The following AKAP11 variants were observed in gnomAD, a reference collection of about 807,000 sequenced individuals.
The protein encoded by AKAP11 is A-kinase anchor protein 11.
A neutral mutation model predicts 146.1 loss-of-function variants in AKAP11; 36 were observed. That is an observed-to-expected ratio of 0.25 (90% CI 0.19 to 0.33). The LOEUF is 0.33. AKAP11 is among the 10% of genes least tolerant of loss of function. The pLI, the probability that AKAP11 is intolerant of heterozygous loss-of-function variation, is 1.00. For synonymous variants in AKAP11, 780 were observed against 786.5 expected (o/e 0.99, Z 0.14); for missense variants, 2,201 against 2,197.0 (o/e 1.00, Z -0.04).
chr13:42,275,869 C>T (rs1252909116), intron 1 of AKAP11, among the ~76,000 whole-genome samples: 3 of 152,088 alleles, frequency 2.0e-5, no homozygotes, highest in East Asian at 1.9e-4. Context: ...GAGAGCATAC[C>T]GTGTGGCAGG....
intron 1 of AKAP11, among the ~76,000 whole-genome samples, chr13:42,279,285 T>A (rs2324860): frequency 0.12 from 17,286 of 145,434 alleles, 1,040 homozygotes; most frequent in Non-Finnish European, 0.13. Context: ...ACACACACTC[T>A]CTCTCTCTCA....
In AKAP11 at chr13:42,300,903, T is replaced by C. The variant is rs749403616; in HGVS notation, c.2157T>C (p.Ser719=). Residue 719 remains serine, a synonymous_variant, in exon 8 of 13, where the codon AGT becomes AGC. Transcript: ENST00000025301. Reference sequence around the variant, plus strand: ...CCTTTACAACAAAGGCAGCAGTTAGTGTCTCTACGGATAATATCAAGTATG... The same window carrying C: ...CCTTTACAACAAAGGCAGCAGTTAGCGTCTCTACGGATAATATCAAGTATG... ...DVTFTTKAAV[S]VSTDNIKYVS... is the part of the protein sequence containing the mutation. The C allele has an allele frequency of 6.2e-6, 10 of 1,614,158 alleles. No homozygotes were observed. Among genetic ancestry groups the C allele is most frequent in the Non-Finnish European group, 8.5e-6 (10 of 1,179,980 alleles).
chr13:42,285,322 G>A (rs1412208390), intron 1 of AKAP11, among the ~76,000 whole-genome samples: 1 of 152,072 alleles, frequency 6.6e-6, no homozygotes, highest in Non-Finnish European at 1.5e-5. Flanking sequence ...GAGACTGCAG[G>A]CATGCACCAC....
chr13:42,302,790 C>T lies in AKAP11; in HGVS notation c.4044C>T (p.His1348=), dbSNP rs1490066402. 6.2e-7 allele frequency: 1 copy of T among 1,613,914 alleles called. No homozygotes were observed. The highest frequency in any genetic ancestry group is 8.5e-7 in the Non-Finnish European group (1 of 1,179,980). ...CESVTDEYAG[H]LIQILKQEGG... ...GTGTGACAGATGAATATGCAGGTCA[C>T]CTTATTCAGATACTAAAACAGGAAG... is the stretch of plus-strand genomic sequence containing the variant. The change falls in exon 8 of 13, where the codon CAC becomes CAT. Residue 1348 remains histidine (H), a synonymous_variant. Transcript: ENST00000025301.
Position 42,292,402 on chromosome 13 carries a change from G to A in AKAP11, c.69G>A (p.Val23=). The A allele has an allele frequency of 1.3e-6, 2 of 1,578,362 alleles. No individual in the cohort carries two copies. Among genetic ancestry groups the A allele is most frequent in the Non-Finnish European group, 8.7e-7 (1 of 1,155,018 alleles). ...CCCTGCAGAGCTTCAGTGAAGATGT[G>A]TTCCAGTCTGTAAAGTCTTTATTGC... ...ASVRKSFSED[V]FQSVKSLLQS... Residue 23 remains valine (V), a synonymous_variant, in exon 4 of 13, where the codon GTG becomes GTA. Coordinates refer to ENST00000025301, the MANE Select transcript of AKAP11 (RefSeq NM_016248.4).
rs758275331 is a variant in AKAP11, at chr13:42,300,876, G to T, written c.2130G>T (p.Val710=). The part of the protein sequence containing the change: ...EAFIELSQVD[V]TFTTKAAVSV... Reference sequence around the variant, plus strand: ...TCATTGAGCTATCACAAGTTGATGTGACCTTTACAACAAAGGCAGCAGTTA... The same window carrying T: ...TCATTGAGCTATCACAAGTTGATGTTACCTTTACAACAAAGGCAGCAGTTA... The change falls in exon 8 of 13, where the codon GTG becomes GTT. Residue 710 remains valine, a synonymous_variant. Coordinates refer to ENST00000025301, the MANE Select transcript of AKAP11 (RefSeq NM_016248.4). The T allele has an allele frequency of 1.9e-6, 3 of 1,613,960 alleles. No individual in the cohort carries two copies. In the Admixed American group the frequency reaches 5.0e-5, roughly 27 times the overall value.
rs1961104177 is a variant in AKAP11, at chr13:42,321,891, C to T, written c.*2663C>T. ...CTGTTTTTACCAGTTTCAAAACCTT[C>T]AAGTGATATGTGGAAAAAAGTGAAT... On this transcript the variant is annotated 3_prime_UTR_variant, in exon 13 of 13. Transcript: ENST00000025301. 6.6e-6 allele frequency: 1 copy of T among 152,268 alleles called. No homozygotes were observed. Among genetic ancestry groups the T allele is most frequent in the Non-Finnish European group, 1.5e-5 (1 of 67,992 alleles). The allele number at this position is 152,268 out of a possible 1,614,324, so 9.4% of individuals were successfully genotyped here. A position where few individuals can be genotyped will look rare whatever the true frequency, so the allele number is the denominator to read the frequency against.
Position 42,317,257 on chromosome 13 carries a change from A to G in AKAP11, c.5405-271A>G, listed in dbSNP as rs572493808. ...CACTGGTCATAATTTATATCAAATT[A>G]TGGCATTTATAGAACTTGAATTCAG... On this transcript the variant is annotated intron_variant, in intron 11 of 12. Coordinates refer to ENST00000025301, the MANE Select transcript of AKAP11 (RefSeq NM_016248.4). Among the ~76,000 whole-genome samples, 5 of 152,318 alleles carry G rather than the reference A, an allele frequency of 3.3e-5. No individual in the cohort carries two copies. The East Asian group carries it at 9.6e-4, about 29-fold the overall frequency.
At chr13:42,296,154 G>A (rs1959500209) in intron 5 of AKAP11, among the ~76,000 whole-genome samples, 3 of 152,036 alleles carry the variant, frequency 2.0e-5, no homozygotes, top group South Asian at 2.1e-4. Context: ...TTTTTCCCTC[G>A]TGCTGCTTCT....
In AKAP11 at chr13:42,319,073, A is replaced by G; in HGVS notation, c.5566-15A>G. On this transcript the variant is annotated splice_polypyrimidine_tract_variant and intron_variant, in intron 12 of 12. Coordinates refer to ENST00000025301, the MANE Select transcript of AKAP11 (RefSeq NM_016248.4). The stretch of plus-strand genomic sequence containing the variant: ...ATTGTTTTTGGTTAATGTTTGACAC[A>G]TCTTTCTTTCTTAGCTTTCAAAACA... 1 of 1,610,934 alleles carries G rather than the reference A, an allele frequency of 6.2e-7. No homozygotes were observed. The highest frequency in any genetic ancestry group is 1.1e-5 in the South Asian group (1 of 89,890).
rs1394908540 is a variant in AKAP11 at position 42,320,033 on chromosome 13, A to G, written c.*805A>G. 1 of 152,554 alleles carries G rather than the reference A, an allele frequency of 6.6e-6. No individual in the cohort carries two copies. Among genetic ancestry groups the G allele is most frequent in the Non-Finnish European group, 1.5e-5 (1 of 68,016 alleles). 9.5% of individuals were successfully genotyped at this position (152,554 alleles called of 1,614,324 possible). On this transcript the variant is annotated 3_prime_UTR_variant, in exon 13 of 13. Transcript: ENST00000025301. ...TAGAAACCCACTGTTAAAATTTAAAAAGGTGCTTTAAAATAAAACGCCTAT... is the reference window on the plus strand; with the variant it reads ...TAGAAACCCACTGTTAAAATTTAAAGAGGTGCTTTAAAATAAAACGCCTAT...
chr13:42,282,489 T>C (rs9566955), intron 1 of AKAP11, among the ~76,000 whole-genome samples: 79,277 of 151,740 alleles, frequency 0.52, 20,889 homozygotes, highest in East Asian at 0.63. Flanking sequence ...TGTGCAAGTA[T>C]ATATGTAGGA....
chr13:42,281,978 T>G (rs556876329), intron 1 of AKAP11, among the ~76,000 whole-genome samples: 62 of 148,120 alleles, frequency 4.2e-4, no homozygotes, highest in African/African-American at 1.5e-3. Flanking sequence ...AATTTTTTCT[T>G]TCTTTTTTTT....
At chr13:42,287,142 C>T (rs1009308330) in intron 3 of AKAP11, among the ~76,000 whole-genome samples, 2 of 152,106 alleles carry the variant, frequency 1.3e-5, no homozygotes, top group Non-Finnish European at 2.9e-5. Flanking sequence ...TATCAGTGTT[C>T]CTATGAGCTT....
In AKAP11 at chr13:42,321,829, A is replaced by G. The variant is rs955451335; in HGVS notation, c.*2601A>G. The G allele has an allele frequency of 1.3e-5, 2 of 152,292 alleles. No homozygotes were observed. Among genetic ancestry groups the G allele is most frequent in the Non-Finnish European group, 2.9e-5 (2 of 67,982 alleles). 9.4% of individuals were successfully genotyped at this position (152,292 alleles called of 1,614,324 possible). ...GGCCCTTACGAAATACGTCTTTTTC[A>G]GAACTGTTAAAGTTTTGATGTACAT... is the stretch of plus-strand genomic sequence containing the variant. On this transcript the variant is annotated 3_prime_UTR_variant, in exon 13 of 13. Transcript: ENST00000025301.
In AKAP11 at chr13:42,321,631, G is replaced by A. The variant is rs1449935169; in HGVS notation, c.*2403G>A. 1 of 152,284 alleles carries A rather than the reference G, an allele frequency of 6.6e-6. No homozygotes were observed. Among genetic ancestry groups the A allele is most frequent in the Non-Finnish European group, 1.5e-5 (1 of 68,006 alleles). The allele number at this position is 152,284 out of a possible 1,614,324, so 9.4% of individuals were successfully genotyped here. A position where few individuals can be genotyped will look rare whatever the true frequency, so the allele number is the denominator to read the frequency against. On this transcript the variant is annotated 3_prime_UTR_variant, in exon 13 of 13. Transcript: ENST00000025301. Reference sequence around the variant, plus strand: ...GAGTATTATCTTTTAATTAAGTGTAGTCTAAACTTAACTTTCTGTAAAGGC... The same window carrying A: ...GAGTATTATCTTTTAATTAAGTGTAATCTAAACTTAACTTTCTGTAAAGGC...
chr13:42,297,989 TATG>T (rs1164897016), intron 6 of AKAP11, among the ~76,000 whole-genome samples: 11 of 151,842 alleles, frequency 7.2e-5, no homozygotes, highest in African/African-American at 2.7e-4. Flanking sequence ...AAAAAAGTAG[TATG>T]AGGGGGAAAA....
intron 1 of AKAP11, among the ~76,000 whole-genome samples, chr13:42,280,066 C>A (rs983167709): frequency 6.6e-6 from 1 of 152,170 alleles, no homozygotes; most frequent in Non-Finnish European, 1.5e-5. Context: ...TTTCAGCTCT[C>A]CCTCCAGCTT....
chr13:42,282,966 G>C (rs1959094476), intron 1 of AKAP11, among the ~76,000 whole-genome samples: 2 of 152,186 alleles, frequency 1.3e-5, no homozygotes. Context: ...TATTTTAGGT[G>C]AATATACTGT....
Sources: gnomAD v4.1 joint callset for allele counts (sites outside exome capture counted in the v4.1 genomes callset) on GRCh38, gnomAD v4.1.1 for gene constraint, MANE v1.5 for transcripts, NCBI Gene and HGNC (gene_info 2026-07-23, HGNC 2026-07-21) for gene names.